CCDC69: variants seen among roughly 807,000 people sequenced by gnomAD.
CCDC69 encodes coiled-coil domain containing 69.
In CCDC69, 38 loss-of-function variants were observed where a neutral mutation model predicts 40.3. That is an observed-to-expected ratio of 0.94 (90% CI 0.73 to 1.24). The LOEUF is 1.24. Ranked by LOEUF, CCDC69 falls within the 50% of genes most tolerant of loss-of-function variation. The pLI, the probability that CCDC69 is intolerant of heterozygous loss-of-function variation, is 0.00. For missense variants in CCDC69, 389 were observed against 357.9 expected, an observed-to-expected ratio of 1.09 and a Z score of -0.70; for synonymous variants, 141 against 138.9, an observed-to-expected ratio of 1.02 and a Z score of -0.11.
chr5:151,198,367 A>ATATC (rs528235940), intron 4 of CCDC69, among the ~76,000 whole-genome samples: 9 of 151,612 alleles, frequency 5.9e-5, no homozygotes, highest in African/African-American at 9.7e-5. Flanking sequence ...GGAAAGTTTG[A>ATATC]TATCTATCTA....
At chr5:151,195,152 C>A (rs1752679789) in intron 4 of CCDC69, among the ~76,000 whole-genome samples, 1 of 152,018 alleles carries the variant, frequency 6.6e-6, no homozygotes, top group Non-Finnish European at 1.5e-5. Context: ...TAGTATGTGC[C>A]AAACAATTTA....
intron 3 of CCDC69, among the ~76,000 whole-genome samples, chr5:151,200,337 C>T (rs1163743607): frequency 2.0e-5 from 3 of 152,012 alleles, no homozygotes; most frequent in Non-Finnish European, 4.4e-5. Flanking sequence ...GGTGGTCTCG[C>T]CATGTTGCCC....
intron 4 of CCDC69, among the ~76,000 whole-genome samples, chr5:151,194,860 C>A (rs1752674353): frequency 1.4e-5 from 2 of 143,234 alleles, no homozygotes; most frequent in South Asian, 4.4e-4. Flanking sequence ...CCACTGCACT[C>A]CAGCCTGGGT....
chr5:151,206,378 T>A (rs1257144179), intron 1 of CCDC69, among the ~76,000 whole-genome samples: 1 of 152,106 alleles, frequency 6.6e-6, no homozygotes, highest in Non-Finnish European at 1.5e-5. Context: ...TATGTAGGCA[T>A]GATTGATTAA....
rs368742125 is a variant in CCDC69 at position 151,183,542 on chromosome 5, C to A, written c.786G>T (p.Gln262His). Residue 262 changes from glutamine to histidine, a missense_variant, in exon 9 of 9, where the codon CAG becomes CAT. Transcript: ENST00000355417. The part of the protein sequence containing the change: ...EKEVQLRRQL[Q>H]QEKEELLYRV... ...GGTACAACAGCTCCTCCTTCTCCTGCTGGAGCTGTCGCCGCAGCTGCACCT... is the reference window on the plus strand; with the variant it reads ...GGTACAACAGCTCCTCCTTCTCCTGATGGAGCTGTCGCCGCAGCTGCACCT... 1 of 1,611,500 alleles carries A rather than the reference C, an allele frequency of 6.2e-7. No homozygotes were observed. The highest frequency in any genetic ancestry group is 1.3e-5 in the African/African-American group (1 of 75,052).
At chr5:151,183,662 A>T (rs1228632357) in intron 8 of CCDC69, 48 bp from the exon 9 acceptor site, 1 of 1,525,522 alleles carries the variant, frequency 6.6e-7, no homozygotes, top group African/African-American at 1.4e-5. Flanking sequence ...AGCAGCTGCC[A>T]CAGAGACCAA....
At chr5:151,193,013 G>A (rs114142652) in intron 4 of CCDC69, among the ~76,000 whole-genome samples, 2,150 of 152,170 alleles carry the variant, frequency 0.014, 42 homozygotes, top group African/African-American at 0.05. Context: ...CATTGTATTA[G>A]GTATTATAAG....
chr5:151,223,850 G>A (rs1753173374), intron 1 of CCDC69, 73 bp downstream of exon 1: 9 of 1,465,702 alleles, frequency 6.1e-6, no homozygotes, highest in East Asian at 2.6e-5. Flanking sequence ...CCGGGGCGCC[G>A]AGTCCTCTGC....
At chr5:151,185,914 G>C in intron 6 of CCDC69, 109 bp downstream of exon 6, 1 of 764,112 alleles carries the variant, frequency 1.3e-6, no homozygotes, top group Non-Finnish European at 2.3e-6. Context: ...GTAGGTAAGA[G>C]TGCCAGGTCT....
rs115640747 is a variant in CCDC69, at chr5:151,183,526, G to A, written c.802C>T (p.Leu268=). The A allele has an allele frequency of 1.2e-3, 1,892 of 1,610,166 alleles. 17 individuals are homozygous for A. In the African/African-American group the frequency reaches 0.023, roughly 19 times the overall value. Reference sequence around the variant, plus strand: ...TTGGCCCCAAGGACCCGGTACAACAGCTCCTCCTTCTCCTGCTGGAGCTGT... The same window carrying A: ...TTGGCCCCAAGGACCCGGTACAACAACTCCTCCTTCTCCTGCTGGAGCTGT... ...RRQLQQEKEE[L]LYRVLGANAS... is the part of the protein sequence containing the mutation. Residue 268 remains leucine (L), a synonymous_variant, in exon 9 of 9, where the codon CTG becomes TTG. Coordinates refer to ENST00000355417, the MANE Select transcript of CCDC69 (RefSeq NM_015621.3).
chr5:151,202,530 G>T (rs916636142), intron 2 of CCDC69, among the ~76,000 whole-genome samples: 4 of 152,174 alleles, frequency 2.6e-5, no homozygotes, highest in Non-Finnish European at 5.9e-5. Flanking sequence ...CTCCTCTTTG[G>T]CCGGCCAGGA....
intron 4 of CCDC69, among the ~76,000 whole-genome samples, chr5:151,188,342 T>G (rs984339017): frequency 6.6e-6 from 1 of 152,210 alleles, no homozygotes. Flanking sequence ...CGGTGGCTCA[T>G]GCCTATTATC....
intron 1 of CCDC69, among the ~76,000 whole-genome samples, chr5:151,214,339 AG>A (rs1182128338): frequency 6.6e-6 from 1 of 152,136 alleles, no homozygotes; most frequent in African/African-American, 2.4e-5. Context: ...GTGTGGCCCA[AG>A]GGGCCCCACT....
At chr5:151,203,620 TTA>T (rs1001692068) in intron 2 of CCDC69, among the ~76,000 whole-genome samples, 2 of 142,026 alleles carry the variant, frequency 1.4e-5, no homozygotes, top group African/African-American at 2.6e-5. Flanking sequence ...ATATATTTAG[TTA>T]TATATATGTA....
rs566206902 is a variant in CCDC69 at position 151,203,946 on chromosome 5, CTA to C, written c.124+1452_124+1453del. ...TATACTAATAAATAAAATATATATA[CTA>C]TATATATATAATACAAATCTGAGAT... On this transcript the variant is annotated intron_variant, in intron 2 of 8. Transcript: ENST00000355417. 8.0e-5 allele frequency among the ~76,000 whole-genome samples: 11 copies of C among 138,298 alleles called. No homozygotes were observed. The South Asian group carries it at 1.5e-3, about 19-fold the overall frequency. 90.7% of individuals were successfully genotyped at this position (138,298 alleles called of 152,430 possible). A position where few individuals can be genotyped will look rare whatever the true frequency, so the allele number is the denominator to read the frequency against.
At chr5:151,217,201 T>C (rs954348273) in intron 1 of CCDC69, among the ~76,000 whole-genome samples, 1 of 152,134 alleles carries the variant, frequency 6.6e-6, no homozygotes, top group African/African-American at 2.4e-5. Flanking sequence ...ATATTATATA[T>C]CAATAAAAAA....
At chr5:151,216,412 T>C (rs927333159) in intron 1 of CCDC69, among the ~76,000 whole-genome samples, 1 of 121,100 alleles carries the variant, frequency 8.3e-6, no homozygotes, top group African/African-American at 2.7e-5. Context: ...TAGGATTTTT[T>C]TTTTTTTTTT....
At chr5:151,213,989 T>TCC (rs1752995095) in intron 1 of CCDC69, among the ~76,000 whole-genome samples, 1 of 152,162 alleles carries the variant, frequency 6.6e-6, no homozygotes, top group Admixed American at 6.6e-5. Flanking sequence ...CTGACTCCAA[T>TCC]CCCCACCTCC....
intron 8 of CCDC69, among the ~76,000 whole-genome samples, chr5:151,184,063 A>G (rs1052137846): frequency 6.6e-6 from 1 of 151,698 alleles, no homozygotes; most frequent in Admixed American, 6.5e-5. Flanking sequence ...CTGGTGCACT[A>G]TAAATTTCCT....
Sources: gnomAD v4.1 joint callset for allele counts (sites outside exome capture counted in the v4.1 genomes callset) on GRCh38, gnomAD v4.1.1 for gene constraint, MANE v1.5 for transcripts, NCBI Gene and HGNC (gene_info 2026-07-23, HGNC 2026-07-21) for gene names.